NPAS3: variants seen among roughly 807,000 people sequenced by gnomAD.
NPAS3 encodes the protein neuronal PAS domain-containing protein 3.
In NPAS3, 14 loss-of-function variants were observed where a neutral mutation model predicts 73.1. The observed-to-expected ratio is 0.19, with a 90% CI of 0.13 to 0.30. The LOEUF (loss-of-function observed/expected upper bound fraction) is 0.30. Among genes scored for constraint, NPAS3 ranks in the 10% least tolerant of loss-of-function variants. NPAS3 has a pLI of 1.00. For synonymous variants in NPAS3, 620 were observed against 541.5 expected (o/e 1.14, Z -2.01); for missense variants, 1,096 against 1,250.0 (o/e 0.88, Z 1.86).
At chr14:33,219,823 A>AATATT (rs2139701857) in intron 3 of NPAS3, among the ~76,000 whole-genome samples, 1 of 152,298 alleles carries the variant, frequency 6.6e-6, no homozygotes. Context: ...AAAATTAGAT[A>AATATT]GCATTTTATA....
At chr14:33,651,170 A>C (rs188246936) in intron 5 of NPAS3, among the ~76,000 whole-genome samples, 208 of 152,310 alleles carry the variant, frequency 1.4e-3, no homozygotes, top group African/African-American at 4.6e-3. Flanking sequence ...TTAGGCTGTG[A>C]AGCCTTTTTC....
intron 2 of NPAS3, among the ~76,000 whole-genome samples, chr14:33,066,033 G>A (rs1179883442): frequency 6.6e-6 from 1 of 152,164 alleles, no homozygotes; most frequent in African/African-American, 2.4e-5. Context: ...CCATCTGGAT[G>A]TCTTGGTGAA....
intron 2 of NPAS3, among the ~76,000 whole-genome samples, chr14:33,179,505 CAT>C (rs1566645497): frequency 6.6e-6 from 1 of 152,116 alleles, no homozygotes; most frequent in Non-Finnish European, 1.5e-5. Flanking sequence ...GGCAACAACT[CAT>C]ATTATCCTCA....
chr14:33,138,403 T>C (rs188150254), intron 2 of NPAS3, among the ~76,000 whole-genome samples: 1 of 152,314 alleles, frequency 6.6e-6, no homozygotes, highest in East Asian at 1.9e-4. Flanking sequence ...CTTGAATACA[T>C]ATAAAGCTAT....
At chr14:33,584,302 A>G (rs2139900027) in intron 5 of NPAS3, among the ~76,000 whole-genome samples, 1 of 152,312 alleles carries the variant, frequency 6.6e-6, no homozygotes, top group Admixed American at 6.5e-5. Flanking sequence ...ATTTGAAGAC[A>G]TGATTTTAAG....
chr14:33,489,134 G>A (rs2139795585), intron 4 of NPAS3, among the ~76,000 whole-genome samples: 1 of 152,272 alleles, frequency 6.6e-6, no homozygotes, highest in Admixed American at 6.5e-5. Context: ...CATTACAGAA[G>A]TGGACTGGAA....
At chr14:33,279,909 G>A (rs1389018984) in intron 3 of NPAS3, among the ~76,000 whole-genome samples, 1 of 152,146 alleles carries the variant, frequency 6.6e-6, no homozygotes, top group Non-Finnish European at 1.5e-5. Context: ...TAATTAGAGT[G>A]AGGAACCCAA....
chr14:33,166,521 C>T (rs1434910985), intron 2 of NPAS3, among the ~76,000 whole-genome samples: 1 of 152,126 alleles, frequency 6.6e-6, no homozygotes, highest in African/African-American at 2.4e-5. Flanking sequence ...CTCCAAGGAT[C>T]TTTGTATTTT....
chr14:33,055,490 A>G (rs1357573617), intron 1 of NPAS3, among the ~76,000 whole-genome samples: 1 of 152,240 alleles, frequency 6.6e-6, no homozygotes, highest in Non-Finnish European at 1.5e-5. Flanking sequence ...TTTTATAGCT[A>G]ATTTACAGTT....
chr14:33,745,606 G>A (rs528349514), intron 7 of NPAS3, among the ~76,000 whole-genome samples: 3 of 152,246 alleles, frequency 2.0e-5, no homozygotes, highest in East Asian at 3.9e-4. Context: ...CATGTATAGA[G>A]GTGAATCTAG....
At chr14:32,954,674 A>G (rs1282166538) in intron 1 of NPAS3, among the ~76,000 whole-genome samples, 7 of 152,240 alleles carry the variant, frequency 4.6e-5, no homozygotes, top group African/African-American at 1.7e-4. Flanking sequence ...AGCTGACCCT[A>G]TAGCTCTCCT....
chr14:33,466,458 C>G (rs551957599), intron 4 of NPAS3, among the ~76,000 whole-genome samples: 107 of 152,272 alleles, frequency 7.0e-4, no homozygotes, highest in Middle Eastern at 3.4e-3. Flanking sequence ...ATTAGATCAC[C>G]GTTGTTCATC....
In NPAS3 at chr14:33,194,393, C is replaced by A. The variant is rs142756934; in HGVS notation, c.141-20789C>A. 5.0e-3 allele frequency among the ~76,000 whole-genome samples: 757 copies of A among 152,138 alleles called. 5 individuals carry two copies. The highest frequency in any genetic ancestry group is 0.017 in the African/African-American group (706 of 41,498). ...AGTTTGGGCCTTTTGGAACTTTGAG[C>A]GAAATATTACTCACTAACAAATCAA... On this transcript the variant is annotated intron_variant, in intron 2 of 11. Coordinates refer to ENST00000356141, the Ensembl canonical transcript of NPAS3.
intron 5 of NPAS3, among the ~76,000 whole-genome samples, chr14:33,603,167 G>C (rs1354135646): frequency 6.6e-6 from 1 of 152,128 alleles, no homozygotes. Context: ...CATGAAACAT[G>C]TGGAAGAGAC....
At chr14:33,449,217 C>A (rs2049670841) in intron 4 of NPAS3, among the ~76,000 whole-genome samples, 1 of 152,106 alleles carries the variant, frequency 6.6e-6, no homozygotes, top group African/African-American at 2.4e-5. Flanking sequence ...TATGTTGAGT[C>A]CTACATGTCT....
intron 4 of NPAS3, among the ~76,000 whole-genome samples, chr14:33,418,156 G>A (rs1360064029): frequency 1.3e-5 from 2 of 151,678 alleles, no homozygotes; most frequent in East Asian, 1.9e-4. Context: ...CCAAGAGCAT[G>A]CCCCTACCTA....
intron 3 of NPAS3, among the ~76,000 whole-genome samples, chr14:33,229,085 C>G (rs141313255): frequency 6.6e-6 from 1 of 152,214 alleles, no homozygotes; most frequent in Admixed American, 6.5e-5. Flanking sequence ...GGTAAACTCA[C>G]GATGGTTTTT....
At chr14:33,163,630 T>G (rs72676794) in intron 2 of NPAS3, among the ~76,000 whole-genome samples, 37,119 of 149,172 alleles carry the variant, frequency 0.25, 4,836 homozygotes, top group African/African-American at 0.34. Context: ...GTTGTTTTTT[T>G]TTTTTTTTTT....
intron 4 of NPAS3, among the ~76,000 whole-genome samples, chr14:33,389,983 C>T (rs369120230): frequency 1.9e-4 from 29 of 151,772 alleles, no homozygotes; most frequent in African/African-American, 5.8e-4. Context: ...ATCTGTCAGC[C>T]GAATGTTGTT....
Sources: allele counts gnomAD v4.1 joint callset (sites outside exome capture counted in the v4.1 genomes callset), GRCh38; gene constraint gnomAD v4.1.1; transcripts MANE v1.5; gene names NCBI Gene and HGNC (gene_info 2026-07-23, HGNC 2026-07-21).